Variants in M1AP observed in about 807,000 individuals in gnomAD.
M1AP encodes meiosis 1 arrest protein.
M1AP carries 39 observed loss-of-function variants against 51.2 expected under a neutral mutation model. That is an observed-to-expected ratio of 0.76 (90% CI 0.59 to 1.00). The LOEUF is 1.00. M1AP is among the 50% of genes least tolerant of loss of function. M1AP has a pLI of 0.00. For missense variants in M1AP, 545 were observed against 641.2 expected (o/e 0.85, Z 1.62); for synonymous variants, 251 against 249.2 (o/e 1.01, Z -0.07).
At chr2:74,634,835 A>G (rs751944551) in intron 2 of M1AP, among the ~76,000 whole-genome samples, 2 of 152,146 alleles carry the variant, frequency 1.3e-5, no homozygotes, top group Non-Finnish European at 2.9e-5. Context: ...CATCCCTGAA[A>G]TAAGTTCTAC....
chr2:74,594,565 C>G (rs1488168387), intron 4 of M1AP, among the ~76,000 whole-genome samples: 1 of 151,932 alleles, frequency 6.6e-6, no homozygotes, highest in East Asian at 1.9e-4. Flanking sequence ...GAAAATTTCC[C>G]AAGTTGGGTT....
intron 2 of M1AP, among the ~76,000 whole-genome samples, chr2:74,617,938 G>A (rs1471820019): frequency 6.6e-6 from 1 of 152,194 alleles, no homozygotes; most frequent in Non-Finnish European, 1.5e-5. Context: ...TATGGAGAAT[G>A]TGCATGTCCT....
intron 3 of M1AP, among the ~76,000 whole-genome samples, chr2:74,611,023 T>C (rs1001232131): frequency 2.6e-5 from 4 of 152,250 alleles, no homozygotes; most frequent in South Asian, 4.1e-4. Context: ...CAAATCCCTC[T>C]TGATTATGGT....
intron 2 of M1AP, among the ~76,000 whole-genome samples, chr2:74,630,073 T>A (rs1241093407): frequency 6.6e-6 from 1 of 152,068 alleles, no homozygotes; most frequent in African/African-American, 2.4e-5. Context: ...CCTGAGTAGC[T>A]GAGACTACAG....
chr2:74,558,997 G>T, intron 10 of M1AP, 123 bp from the exon 11 acceptor site: 1 of 948,192 alleles, frequency 1.1e-6, no homozygotes, highest in Non-Finnish European at 1.5e-6. Context: ...ACAGCCTCAA[G>T]GCCGAGGACA....
intron 8 of M1AP, among the ~76,000 whole-genome samples, chr2:74,561,062 GGGAGGA>G (rs1208357090): frequency 4.6e-4 from 26 of 56,824 alleles, no homozygotes; most frequent in South Asian, 9.7e-4. Flanking sequence ...GGAGGAGGAG[GGGAGGA>G]GGAGGAGGAG....
intron 5 of M1AP, among the ~76,000 whole-genome samples, chr2:74,578,686 T>C (rs905375512): frequency 6.6e-6 from 1 of 152,092 alleles, no homozygotes; most frequent in African/African-American, 2.4e-5. Flanking sequence ...GTGTGCTCTG[T>C]CAGAGGAACG....
intron 4 of M1AP, among the ~76,000 whole-genome samples, chr2:74,601,231 T>C (rs545745921): frequency 1.3e-5 from 2 of 152,244 alleles, no homozygotes; most frequent in South Asian, 4.1e-4. Flanking sequence ...TAAATGATGA[T>C]TAATTCATAC....
intron 7 of M1AP, among the ~76,000 whole-genome samples, chr2:74,564,754 G>A (rs1408171157): frequency 6.6e-6 from 1 of 152,160 alleles, no homozygotes; most frequent in East Asian, 1.9e-4. Context: ...CTGCTCTGAG[G>A]ACATGGCCTG....
chr2:74,639,811 C>A (rs1326447034), intron 2 of M1AP, among the ~76,000 whole-genome samples: 1 of 152,172 alleles, frequency 6.6e-6, no homozygotes. Context: ...GAGCTTGTAG[C>A]CTATTTATAC....
At chr2:74,626,579 A>G (rs1682411341) in intron 2 of M1AP, among the ~76,000 whole-genome samples, 1 of 151,920 alleles carries the variant, frequency 6.6e-6, no homozygotes, top group Admixed American at 6.6e-5. Context: ...CTTTTTACAC[A>G]AACTTTCCTT....
At chr2:74,641,734 CTG>C (rs1392962389) in intron 1 of M1AP, among the ~76,000 whole-genome samples, 28 of 151,926 alleles carry the variant, frequency 1.8e-4, no homozygotes, top group Non-Finnish European at 3.8e-4. Flanking sequence ...CCTCGGCCTC[CTG>C]AAGTGCTGGG....
chr2:74,576,844 TA>T, intron 5 of M1AP: 1 of 1,317,336 alleles, frequency 7.6e-7, no homozygotes, highest in Non-Finnish European at 9.8e-7. Flanking sequence ...TCGCTCTACA[TA>T]AAAGTTAACT....
chr2:74,638,465 C>G (rs987169721), intron 2 of M1AP, among the ~76,000 whole-genome samples: 15 of 152,040 alleles, frequency 9.9e-5, no homozygotes, highest in Admixed American at 5.9e-4. Flanking sequence ...GTTATTCTAT[C>G]TAGGGTGGAA....
At chr2:74,594,034 A>C (rs944950855) in intron 4 of M1AP, among the ~76,000 whole-genome samples, 2 of 152,180 alleles carry the variant, frequency 1.3e-5, no homozygotes, top group African/African-American at 4.8e-5. Context: ...TGCACTATAC[A>C]CATATGGGGT....
intron 2 of M1AP, among the ~76,000 whole-genome samples, chr2:74,621,617 C>T (rs967232770): frequency 6.6e-6 from 1 of 150,970 alleles, no homozygotes; most frequent in African/African-American, 2.4e-5. Flanking sequence ...AACCCCGTCT[C>T]TACAAAAAAT....
intron 4 of M1AP, among the ~76,000 whole-genome samples, chr2:74,592,199 A>G (rs1017213694): frequency 6.6e-6 from 1 of 151,950 alleles, no homozygotes; most frequent in Admixed American, 6.6e-5. Flanking sequence ...CTGGGGGTGT[A>G]TCTTCAGGGT....
At chr2:74,611,882 GTTTTTTTTTT>G (rs1188013311) in intron 3 of M1AP, among the ~76,000 whole-genome samples, 48 of 42,938 alleles carry the variant, frequency 1.1e-3, no homozygotes, top group South Asian at 4.9e-3. Flanking sequence ...ACAAAAAAGT[GTTTTTTTTTT>G]TTTTTTTTTT....
chr2:74,589,247 T>C (rs1034682522), intron 4 of M1AP, among the ~76,000 whole-genome samples: 5 of 152,136 alleles, frequency 3.3e-5, no homozygotes. Flanking sequence ...AATGAGCTTT[T>C]TGTGTTGGGG....
Sources: allele counts gnomAD v4.1 joint callset (sites outside exome capture counted in the v4.1 genomes callset), GRCh38; gene constraint gnomAD v4.1.1; transcripts MANE v1.5; gene names NCBI Gene and HGNC (gene_info 2026-07-23, HGNC 2026-07-21).